The following RNF150 variants were observed in gnomAD, a reference collection of about 807,000 sequenced individuals.
RNF150 encodes ring finger protein 150.
RNF150 carries 24 observed loss-of-function variants against 39.3 expected under a neutral mutation model. The observed-to-expected ratio is 0.61, with a 90% CI of 0.44 to 0.86. RNF150 has a LOEUF of 0.86. Ranked by LOEUF, RNF150 falls within the 40% of genes least tolerant of loss-of-function variation. RNF150 has a pLI of 0.00. For missense variants in RNF150, 502 were observed against 587.8 expected, an observed-to-expected ratio of 0.85 and a Z score of 1.51; for synonymous variants, 255 against 227.3, an observed-to-expected ratio of 1.12 and a Z score of -1.10.
chr4:141,163,070 C>T (rs980689374), intron 1 of RNF150, among the ~76,000 whole-genome samples: 1 of 152,194 alleles, frequency 6.6e-6, no homozygotes, highest in Non-Finnish European at 1.5e-5. Context: ...TTCTCATTGC[C>T]AGCACAGCAG....
rs553792288 is a variant in RNF150, at chr4:140,909,056, G to T, written c.1198+2088C>A. On this transcript the variant is annotated intron_variant, in intron 6 of 6. Coordinates refer to ENST00000515673, the MANE Select transcript of RNF150 (RefSeq NM_020724.2). ...AATATATTTCACTAAGGTCACTTATGGTCGTATGTGTGACAGTAATCAAAG... is the reference window on the plus strand; with the variant it reads ...AATATATTTCACTAAGGTCACTTATTGTCGTATGTGTGACAGTAATCAAAG... Among the ~76,000 whole-genome samples, 3 of 152,186 alleles carry T rather than the reference G, an allele frequency of 2.0e-5. No homozygotes were observed. The South Asian group carries it at 6.2e-4, about 32-fold the overall frequency.
chr4:140,902,014 C>A (rs1423018098), intron 6 of RNF150, among the ~76,000 whole-genome samples: 3 of 152,088 alleles, frequency 2.0e-5, no homozygotes, highest in East Asian at 3.9e-4. Context: ...TTAGATTAGG[C>A]AGATGGAGAT....
chr4:141,132,263 G>T lies in RNF150; in HGVS notation c.484+62C>A. On this transcript the variant is annotated intron_variant, in intron 1 of 6. Transcript: ENST00000515673. This position sits in a 1 kb window ranked among gnomAD's most constrained non-coding sequence, Gnocchi z 4.9. The stretch of plus-strand genomic sequence containing the variant: ...AGAAGGAGCCTGGAGGCAGGCGCTG[G>T]ATCCCTCTAGGCACCTCCGTCCCCG... The T allele has an allele frequency of 6.6e-7, 1 of 1,513,756 alleles. No individual in the cohort carries two copies. The highest frequency in any genetic ancestry group is 2.1e-5 in the Admixed American group (1 of 48,288). The allele number at this position is 1,513,756 out of a possible 1,614,324, so 93.8% of individuals were successfully genotyped here.
At chr4:141,139,306 G>A (rs976181236) in intron 1 of RNF150, among the ~76,000 whole-genome samples, 2 of 152,230 alleles carry the variant, frequency 1.3e-5, no homozygotes, top group Non-Finnish European at 2.9e-5. Context: ...GAATGGCAGG[G>A]CTCCTCCCAT....
chr4:140,949,292 T>C lies in RNF150; in HGVS notation c.807+9A>G. Reference sequence around the variant, plus strand: ...GCTCCTCACCAAAAAGAAAAGAGGCTGCTATTACCTTGTCACCCTTCTTGA... The same window carrying C: ...GCTCCTCACCAAAAAGAAAAGAGGCCGCTATTACCTTGTCACCCTTCTTGA... On this transcript the variant is annotated intron_variant, in intron 3 of 6. Transcript: ENST00000515673. 6.2e-7 allele frequency: 1 copy of C among 1,601,260 alleles called. No homozygotes were observed. The highest frequency in any genetic ancestry group is 1.1e-5 in the South Asian group (1 of 88,176).
intron 1 of RNF150, among the ~76,000 whole-genome samples, chr4:141,164,841 A>T (rs1471875291): frequency 6.6e-6 from 1 of 152,152 alleles, no homozygotes; most frequent in Admixed American, 6.5e-5. Flanking sequence ...GCCACTGCAA[A>T]AATATACCAA....
chr4:141,180,771 T>C (rs1727897094), intron 1 of RNF150, among the ~76,000 whole-genome samples: 1 of 152,220 alleles, frequency 6.6e-6, no homozygotes, highest in Non-Finnish European at 1.5e-5. Context: ...CATCTTTCTT[T>C]TTATTTTCAA....
intron 1 of RNF150, among the ~76,000 whole-genome samples, chr4:141,152,794 G>A (rs1384367347): frequency 6.6e-6 from 1 of 152,124 alleles, no homozygotes; most frequent in Admixed American, 6.5e-5. Flanking sequence ...CATATAATGG[G>A]AAGAATACTA....
intron 1 of RNF150, among the ~76,000 whole-genome samples, chr4:141,197,163 T>C (rs1421445034): frequency 1.3e-5 from 2 of 152,206 alleles, no homozygotes; most frequent in Non-Finnish European, 2.9e-5. Context: ...TTATTACAAA[T>C]AATTAATCTC....
intron 1 of RNF150, among the ~76,000 whole-genome samples, chr4:141,031,959 AAATTAAC>A (rs1735963113): frequency 2.0e-5 from 3 of 152,080 alleles, no homozygotes; most frequent in Non-Finnish European, 2.9e-5. Context: ...TCAAGATATA[AAATTAAC>A]CAAAGTATCC....
At chr4:140,962,071 C>CTCTA (rs1341032517) in intron 2 of RNF150, among the ~76,000 whole-genome samples, 1 of 150,092 alleles carries the variant, frequency 6.7e-6, no homozygotes, top group East Asian at 2.0e-4. Flanking sequence ...TCTCTTCTCT[C>CTCTA]TCTCTCTCTA....
chr4:141,174,845 C>T (rs1252552537), intron 1 of RNF150, among the ~76,000 whole-genome samples: 1 of 146,210 alleles, frequency 6.8e-6, no homozygotes, highest in Non-Finnish European at 1.5e-5. Flanking sequence ...CTGGCATCTG[C>T]AATCTCAGTT....
intron 5 of RNF150, 139 bp downstream of exon 5, chr4:140,925,837 CT>C: frequency 1.6e-6 from 1 of 640,570 alleles, no homozygotes; most frequent in Non-Finnish European, 2.8e-6. Flanking sequence ...CATAGGAGTT[CT>C]CTTGGAGCCT....
At position 141,132,731 on chromosome 4, in the gene RNF150, C is replaced by G. The variant is rs2111112432; in HGVS notation, c.78G>C (p.Leu26=). 1 of 1,610,792 alleles carries G rather than the reference C, an allele frequency of 6.2e-7. No individual in the cohort carries two copies. The highest frequency in any genetic ancestry group is 8.5e-7 in the Non-Finnish European group (1 of 1,178,754). Residue 26 remains leucine, a synonymous_variant, in exon 1 of 7, where the codon CTG becomes CTC. Transcript: ENST00000515673. The surrounding 1 kb of genome is among the most constrained non-coding windows in gnomAD (Gnocchi z 4.9). ...CGGCCACGGTAAAGTCCAGGCAGAG[C>G]AGATGCACGAAACAAAAGGAAAGCA... ...TWLLSFCFVH[L]LCLDFTVAEK...
At chr4:140,880,250 T>C (rs75805401) in intron 6 of RNF150, among the ~76,000 whole-genome samples, 4,952 of 152,324 alleles carry the variant, frequency 0.033, 261 homozygotes, top group African/African-American at 0.11. Flanking sequence ...TCAGTTGAGA[T>C]AATCATGTGA....
chr4:141,025,393 C>T (rs1735658479), intron 1 of RNF150, among the ~76,000 whole-genome samples: 1 of 151,778 alleles, frequency 6.6e-6, no homozygotes, highest in Non-Finnish European at 1.5e-5. Flanking sequence ...TGTGTAATCC[C>T]ATAACTAGAT....
At chr4:141,156,948 T>G (rs1460007247) in intron 1 of RNF150, among the ~76,000 whole-genome samples, 1 of 151,956 alleles carries the variant, frequency 6.6e-6, no homozygotes, top group Non-Finnish European at 1.5e-5. Flanking sequence ...AAATAATCAA[T>G]TAAGGTCCAG....
chr4:140,933,852 GTTGA>G (rs775485025), intron 4 of RNF150, among the ~76,000 whole-genome samples: 3 of 152,136 alleles, frequency 2.0e-5, no homozygotes, highest in Non-Finnish European at 2.9e-5. Flanking sequence ...GCTATGTGGT[GTTGA>G]TTAAGTCAAG....
At chr4:140,869,155 A>G (rs566424675) in intron 6 of RNF150, among the ~76,000 whole-genome samples, 69 of 152,372 alleles carry the variant, frequency 4.5e-4, no homozygotes, top group Non-Finnish European at 7.2e-4. Flanking sequence ...AAAGTCCAAC[A>G]ATAGAGAACA....
Sources: allele counts gnomAD v4.1 joint callset (sites outside exome capture counted in the v4.1 genomes callset), GRCh38; gene constraint gnomAD v4.1.1; non-coding constraint Gnocchi (gnomAD v3.1); transcripts MANE v1.5; gene names NCBI Gene and HGNC (gene_info 2026-07-23, HGNC 2026-07-21).